Variants in GALNT13 observed in about 807,000 individuals in gnomAD.
GALNT13 encodes polypeptide N-acetylgalactosaminyltransferase 13.
GALNT13 carries 28 observed loss-of-function variants against 64.2 expected under a neutral mutation model. The ratio of observed to expected loss-of-function variants is 0.44; its 90% confidence interval spans 0.32 to 0.60. The LOEUF (loss-of-function observed/expected upper bound fraction) is 0.60. GALNT13 is among the 20% of genes least tolerant of loss of function. GALNT13 has a pLI of 0.05. For missense variants in GALNT13, 577 were observed against 669.8 expected (o/e 0.86, Z 1.53); for synonymous variants, 214 against 224.6 (o/e 0.95, Z 0.42).
chr2:153,222,310 G>GGGCGGGGGGC, the GALNT13 span, among the ~76,000 whole-genome samples: 1 of 127,946 alleles, frequency 7.8e-6, no homozygotes, highest in African/African-American at 3.0e-5. Context: ...GTCTGGCTGG[G>GGGCGGGGGGC]GGGGGGGGGG....
intron 1 of GALNT13, among the ~76,000 whole-genome samples, chr2:153,883,923 A>G (rs971282767): frequency 2.6e-5 from 4 of 152,028 alleles, no homozygotes; most frequent in Admixed American, 2.0e-4. Context: ...TAAAATGTGG[A>G]AGATAATTGT....
the GALNT13 span, among the ~76,000 whole-genome samples, chr2:153,100,653 G>A: frequency 1.3e-5 from 2 of 152,110 alleles, no homozygotes; most frequent in African/African-American, 4.8e-5. Context: ...ATTTATGTAA[G>A]TATATAAATG....
intron 9 of GALNT13, among the ~76,000 whole-genome samples, chr2:154,356,270 A>T (rs116791280): frequency 2.0e-5 from 3 of 152,086 alleles, no homozygotes; most frequent in Non-Finnish European, 4.4e-5. Context: ...TGTTGAAGAA[A>T]TGTGTCTCTG....
the GALNT13 span, among the ~76,000 whole-genome samples, chr2:153,097,472 T>G: frequency 6.6e-6 from 1 of 152,164 alleles, no homozygotes; most frequent in Admixed American, 6.6e-5. Context: ...TTTTTGGTTT[T>G]ATAGAGAAAG....
At chr2:153,302,039 T>C in the GALNT13 span, among the ~76,000 whole-genome samples, 2 of 152,154 alleles carry the variant, frequency 1.3e-5, no homozygotes, top group Non-Finnish European at 2.9e-5. Flanking sequence ...ACATAATCAA[T>C]TTCTTATTCT....
At chr2:153,528,318 TAAG>T in the GALNT13 span, among the ~76,000 whole-genome samples, 1 of 151,826 alleles carries the variant, frequency 6.6e-6, no homozygotes, top group Non-Finnish European at 1.5e-5. Context: ...ACAAAAACTA[TAAG>T]AAGATACAAA....
At chr2:153,939,271 C>A (rs1691171698) in intron 2 of GALNT13, among the ~76,000 whole-genome samples, 1 of 152,144 alleles carries the variant, frequency 6.6e-6, no homozygotes, top group Non-Finnish European at 1.5e-5. Context: ...AGAGAAAGCA[C>A]AATCGCACAT....
chr2:154,026,133 G>A (rs550979759), intron 3 of GALNT13, among the ~76,000 whole-genome samples: 1 of 152,268 alleles, frequency 6.6e-6, no homozygotes, highest in South Asian at 2.1e-4. Context: ...AAAACTTAAA[G>A]TGGGAAAGTT....
chr2:154,216,324 A>G (rs754414647), intron 4 of GALNT13, among the ~76,000 whole-genome samples: 1 of 152,162 alleles, frequency 6.6e-6, no homozygotes, highest in Non-Finnish European at 1.5e-5. Flanking sequence ...ATAGTGCTTA[A>G]TGAAACACTA....
chr2:154,070,642 G>A (rs1191002454), intron 3 of GALNT13, among the ~76,000 whole-genome samples: 3 of 152,110 alleles, frequency 2.0e-5, no homozygotes, highest in Non-Finnish European at 1.5e-5. Flanking sequence ...ATTGGGCCAG[G>A]TGCAGTGGCT....
chr2:153,310,550 A>G, the GALNT13 span, among the ~76,000 whole-genome samples: 2 of 152,078 alleles, frequency 1.3e-5, no homozygotes, highest in South Asian at 4.1e-4. Flanking sequence ...TAGTAAATAT[A>G]TTTTCTCTTC....
chr2:153,554,987 A>G, the GALNT13 span, among the ~76,000 whole-genome samples: 263 of 152,272 alleles, frequency 1.7e-3, no homozygotes, highest in African/African-American at 5.8e-3. Flanking sequence ...CAGGCCTAAT[A>G]TATCACCTAG....
At chr2:153,356,991 G>T in the GALNT13 span, among the ~76,000 whole-genome samples, 2 of 151,776 alleles carry the variant, frequency 1.3e-5, no homozygotes, top group African/African-American at 4.8e-5. Context: ...TGTATTTTTA[G>T]TAGAAATGGG....
chr2:153,444,994 T>C, the GALNT13 span, among the ~76,000 whole-genome samples: 1 of 152,182 alleles, frequency 6.6e-6, no homozygotes, highest in Non-Finnish European at 1.5e-5. Context: ...TTTCCAAAAT[T>C]ATTGCATTTT....
chr2:154,356,232 T>C (rs1176247384), intron 9 of GALNT13, among the ~76,000 whole-genome samples: 1 of 151,966 alleles, frequency 6.6e-6, no homozygotes, highest in African/African-American at 2.4e-5. Flanking sequence ...GCTAAGTAGG[T>C]TTTCCTTAGA....
chr2:153,099,025 GC>G, the GALNT13 span, among the ~76,000 whole-genome samples: 1 of 152,102 alleles, frequency 6.6e-6, no homozygotes, highest in Admixed American at 6.6e-5. Context: ...CGAGGCTGAG[GC>G]AAGGGAATCG....
In GALNT13 at chr2:154,078,995, C is replaced by T. The variant is rs74684422; in HGVS notation, c.143-61342C>T. On this transcript the variant is annotated intron_variant, in intron 3 of 12. Transcript: ENST00000392825. The stretch of plus-strand genomic sequence containing the variant: ...ACTTAGAATATGCTGGCATATGGCA[C>T]ATTTAGCTATTATCATTTCAAGATA... Among the ~76,000 whole-genome samples, 369 of 151,742 alleles carry T rather than the reference C, an allele frequency of 2.4e-3. 4 individuals are homozygous for T. The highest frequency in any genetic ancestry group is 8.1e-3 in the African/African-American group (337 of 41,494).
the GALNT13 span, among the ~76,000 whole-genome samples, chr2:153,819,729 G>T: frequency 6.6e-6 from 1 of 152,258 alleles, no homozygotes; most frequent in Non-Finnish European, 1.5e-5. Flanking sequence ...TAACCACACA[G>T]CCCAATATAA....
At chr2:153,298,063 G>T in the GALNT13 span, among the ~76,000 whole-genome samples, 1 of 152,156 alleles carries the variant, frequency 6.6e-6, no homozygotes, top group South Asian at 2.1e-4. Context: ...AAATGAGCAG[G>T]TTATCTCAGA....
Sources: gnomAD v4.1 joint callset for allele counts (sites outside exome capture counted in the v4.1 genomes callset) on GRCh38, gnomAD v4.1.1 for gene constraint, MANE v1.5 for transcripts, NCBI Gene and HGNC (gene_info 2026-07-23, HGNC 2026-07-21) for gene names.